Variants in RAP1GAP observed in about 807,000 individuals in gnomAD.
RAP1GAP encodes rap1 GTPase-activating protein 1.
RAP1GAP carries 35 observed loss-of-function variants against 87.2 expected under a neutral mutation model. The observed-to-expected ratio is 0.40, with a 90% CI of 0.31 to 0.53. The LOEUF (loss-of-function observed/expected upper bound fraction) is 0.53, where lower values mean the gene tolerates loss of function less well. RAP1GAP is among the 20% of genes least tolerant of loss of function. The probability of loss-of-function intolerance (pLI) is 0.48; values close to 1 mark genes in which losing one functional copy is unlikely to be tolerated. For missense variants in RAP1GAP, 734 were observed against 898.9 expected (o/e 0.82, Z 2.35); for synonymous variants, 375 against 363.9 (o/e 1.03, Z -0.35).
intron 1 of RAP1GAP, among the ~76,000 whole-genome samples, chr1:21,665,613 C>T (rs1206087936): frequency 1.3e-5 from 2 of 152,270 alleles, no homozygotes; most frequent in Admixed American, 6.5e-5. Context: ...CAGCACTCCT[C>T]TGCCTCTTTT....
intron 1 of RAP1GAP, among the ~76,000 whole-genome samples, chr1:21,667,035 G>A (rs2152434939): frequency 6.6e-6 from 1 of 152,324 alleles, no homozygotes; most frequent in African/African-American, 2.4e-5. Context: ...CTGGGTCTCA[G>A]GGTATCTGTC....
Position 21,613,153 on chromosome 1 carries a change from G to GC in RAP1GAP, c.528+22dup, listed in dbSNP as rs2079537529. 1.3e-6 allele frequency: 2 copies of GC among 1,529,764 alleles called. No homozygotes were observed. Among genetic ancestry groups the GC allele is most frequent in the East Asian group, 4.5e-5 (2 of 44,468 alleles). 94.8% of individuals were successfully genotyped at this position (1,529,764 alleles called of 1,614,324 possible). A position where few individuals can be genotyped will look rare whatever the true frequency, so the allele number is the denominator to read the frequency against. On this transcript the variant is annotated intron_variant, in intron 10 of 24. Coordinates refer to ENST00000374765, the MANE Select transcript of RAP1GAP (RefSeq NM_002885.4). The surrounding 1 kb of genome is among the most constrained non-coding windows in gnomAD (Gnocchi z 4.7). Reference sequence around the variant, plus strand: ...CCAGTTACTCACCCACCCTCAGTGAGCTGTGCCCAGATCCAGCCATACCTT... The same window carrying GC: ...CCAGTTACTCACCCACCCTCAGTGAGCCTGTGCCCAGATCCAGCCATACCTT...
chr1:21,659,905 G>T (rs1328498595), intron 1 of RAP1GAP, among the ~76,000 whole-genome samples: 1 of 152,126 alleles, frequency 6.6e-6, no homozygotes, highest in Non-Finnish European at 1.5e-5. Flanking sequence ...AGGCTGAGTG[G>T]CTTGCCTAAG....
At chr1:21,611,680 C>T in intron 12 of RAP1GAP, 36 bp downstream of exon 12, 1 of 1,612,306 alleles carries the variant, frequency 6.2e-7, no homozygotes, top group Non-Finnish European at 8.5e-7. Context: ...GAGCACAAGT[C>T]AGATTACACT....
chr1:21,638,785 C>T (rs1438912046), intron 2 of RAP1GAP, among the ~76,000 whole-genome samples: 1 of 152,186 alleles, frequency 6.6e-6, no homozygotes, highest in Admixed American at 6.5e-5. Context: ...GCTCCCTGAG[C>T]ACCTGACTGC....
In RAP1GAP at chr1:21,617,947, G is replaced by A. The variant is rs1218707048; in HGVS notation, c.92C>T (p.Pro31Leu). The A allele has an allele frequency of 7.4e-6, 12 of 1,613,990 alleles. No individual in the cohort carries two copies. Among genetic ancestry groups the A allele is most frequent in the Admixed American group, 1.7e-5 (1 of 60,004 alleles). The part of the protein sequence containing the change: ...LKTEEDYIPY[P>L]SVHEVLGREG... ...CTAGCTGAGTACCTCGTGCACGCTCGGGTATGGAATGTAGTCCTCCTCTGT... is the reference window on the plus strand; with the variant it reads ...CTAGCTGAGTACCTCGTGCACGCTCAGGTATGGAATGTAGTCCTCCTCTGT... Residue 31 changes from proline to leucine, a missense_variant, in exon 6 of 25, where the codon CCG (proline) becomes CTG (leucine). By Grantham distance (98) the Pro-to-Leu change is moderately conservative. Transcript: ENST00000374765.
At chr1:21,649,333 C>G (rs188265153) in intron 2 of RAP1GAP, among the ~76,000 whole-genome samples, 1 of 151,628 alleles carries the variant, frequency 6.6e-6, no homozygotes, top group South Asian at 2.1e-4. Flanking sequence ...CCCAGCCCAG[C>G]GAGGGGCCAC....
rs147161265 is a variant in RAP1GAP at position 21,599,615 on chromosome 1, G to C, written c.1655C>G (p.Ala552Gly). 4 of 1,604,282 alleles carry C rather than the reference G, an allele frequency of 2.5e-6. No individual in the cohort carries two copies. The South Asian group carries it at 4.4e-5, about 18-fold the overall frequency. ...SPEMPTTKNR[A>G]ETAAQRAEAL... ...CTCTGCTCTCTGCGCTGCGGTCTCC[G>C]CTCTGCCACAGACAGTGCCCCATTA... The change falls in exon 21 of 25, where the codon GCG (alanine) becomes GGG (glycine). Residue 552 changes from alanine to glycine, a missense_variant and splice_region_variant. Transcript: ENST00000374765.
chr1:21,649,037 G>A (rs1361771379), intron 2 of RAP1GAP, among the ~76,000 whole-genome samples: 1 of 152,206 alleles, frequency 6.6e-6, no homozygotes, highest in African/African-American at 2.4e-5. Context: ...TGCTGGAGGT[G>A]AAGCAGCAGC....
chr1:21,666,644 G>T lies in RAP1GAP; in HGVS notation c.-149+2610C>A, dbSNP rs1571581407. 2.6e-5 allele frequency among the ~76,000 whole-genome samples: 4 copies of T among 152,114 alleles called. No homozygotes were observed. In the South Asian group the frequency reaches 8.3e-4, roughly 32 times the overall value. On this transcript the variant is annotated intron_variant, in intron 1 of 24. Transcript: ENST00000374765. ...GAGGCTTTGCTGGGGACGGTCGGGGGCCTCCACTCCCCTCCCCGGGTGATG... is the reference window on the plus strand; with the variant it reads ...GAGGCTTTGCTGGGGACGGTCGGGGTCCTCCACTCCCCTCCCCGGGTGATG...
chr1:21,599,477 C>G lies in RAP1GAP; in HGVS notation c.1776+17G>C. ...TCCAAGCTCCTGTGGGGCCCCTGAC[C>G]CCCCTGAGCCTCTCACCAGGCCTGT... On this transcript the variant is annotated intron_variant, in intron 21 of 24. Transcript: ENST00000374765. The G allele has an allele frequency of 6.2e-7, 1 of 1,601,100 alleles. No homozygotes were observed. Among genetic ancestry groups the G allele is most frequent in the Non-Finnish European group, 8.5e-7 (1 of 1,176,748 alleles).
intron 1 of RAP1GAP, chr1:21,653,045 C>T (rs997102537): frequency 6.6e-6 from 1 of 152,286 alleles, no homozygotes; most frequent in Non-Finnish European, 1.5e-5. Flanking sequence ...CGGAGCTGTT[C>T]CACCTGGGAC....
chr1:21,639,144 C>G (rs1456364032), intron 2 of RAP1GAP, among the ~76,000 whole-genome samples: 1 of 152,230 alleles, frequency 6.6e-6, no homozygotes, highest in African/African-American at 2.4e-5. Context: ...TTTGTAAATG[C>G]AAATGTAGGC....
rs541906010 is a variant in RAP1GAP at position 21,611,417 on chromosome 1, G to A, written c.843+35C>T. On this transcript the variant is annotated intron_variant, in intron 13 of 24. Coordinates refer to ENST00000374765, the MANE Select transcript of RAP1GAP (RefSeq NM_002885.4). ...AGACAGGTGGAGGGGGAGGACAGGTGGAAGACAGGAGGCAGGTGGGGGTGC... is the reference window on the plus strand; with the variant it reads ...AGACAGGTGGAGGGGGAGGACAGGTAGAAGACAGGAGGCAGGTGGGGGTGC... The A allele has an allele frequency of 1.6e-4, 256 of 1,593,784 alleles. 2 individuals are homozygous for A. In the South Asian group the frequency reaches 2.5e-3, roughly 16 times the overall value.
rs59506938 is a variant in RAP1GAP at position 21,608,001 on chromosome 1, G to C, written c.1296+212C>G. Among the ~76,000 whole-genome samples the C allele has an allele frequency of 0.01, 1,509 of 150,550 alleles. 15 individuals are homozygous for C. Among genetic ancestry groups the C allele is most frequent in the African/African-American group, 0.026 (1,054 of 40,768 alleles). Reference sequence around the variant, plus strand: ...AGCCCCAGTCCGGGACTTCGCCCCAGCCACGCCCCCTCTCAGACTCCAATG... The same window carrying C: ...AGCCCCAGTCCGGGACTTCGCCCCACCCACGCCCCCTCTCAGACTCCAATG... On this transcript the variant is annotated intron_variant, in intron 17 of 24. Coordinates refer to ENST00000374765, the MANE Select transcript of RAP1GAP (RefSeq NM_002885.4).
Position 21,609,798 on chromosome 1 carries a change from T to C in RAP1GAP, c.1000-152A>G, listed in dbSNP as rs2077091669. 1.6e-6 allele frequency: 1 copy of C among 642,538 alleles called. No homozygotes were observed. The highest frequency in any genetic ancestry group is 1.9e-5 in the African/African-American group (1 of 53,672). 39.8% of individuals were successfully genotyped at this position (642,538 alleles called of 1,614,324 possible). ...GATGAATCTTTCTTCCAGAGATTTC[T>C]GCCCTCTATCTTTTGCCCTGAATTT... On this transcript the variant is annotated intron_variant, in intron 14 of 24. Coordinates refer to ENST00000374765, the MANE Select transcript of RAP1GAP (RefSeq NM_002885.4). The surrounding 1 kb of genome is among the most constrained non-coding windows in gnomAD (Gnocchi z 4.4).
Position 21,669,247 on chromosome 1 carries a change from C to G in RAP1GAP, c.-149+7G>C. 1 of 1,251,054 alleles carries G rather than the reference C, an allele frequency of 8.0e-7. No individual in the cohort carries two copies. Among genetic ancestry groups the G allele is most frequent in the South Asian group, 1.3e-5 (1 of 77,928 alleles). 77.5% of individuals were successfully genotyped at this position (1,251,054 alleles called of 1,614,324 possible). ...CCAGGGCCGCAGCCCTGGCGGGGCG[C>G]ACTCACCCAAGGGCCTGGGCCGGGG... On this transcript the variant is annotated splice_region_variant and intron_variant, in intron 1 of 24. Coordinates refer to ENST00000374765, the MANE Select transcript of RAP1GAP (RefSeq NM_002885.4). The surrounding 1 kb of genome is among the most constrained non-coding windows in gnomAD (Gnocchi z 5.6).
In RAP1GAP at chr1:21,601,775, T is replaced by TG; in HGVS notation, c.1560_1561insC (p.Lys521GlnfsTer90). On this transcript the variant is annotated frameshift_variant, in exon 20 of 25. Coordinates refer to ENST00000374765, the MANE Select transcript of RAP1GAP (RefSeq NM_002885.4). LOFTEE classifies it high-confidence loss of function. ...GAGACGTGCCCGCTGTCTGGGGTCT[T>TG]CTGACCAGCCGGAGGGCTCTCCCTG... 6.2e-7 allele frequency: 1 copy of TG among 1,610,002 alleles called. No individual in the cohort carries two copies. The highest frequency in any genetic ancestry group is 1.1e-5 in the South Asian group (1 of 90,794).
intron 19 of RAP1GAP, 126 bp downstream of exon 19, chr1:21,602,678 G>T: frequency 1.3e-6 from 1 of 791,610 alleles, no homozygotes; most frequent in Non-Finnish European, 1.9e-6. Flanking sequence ...TGACCACACA[G>T]CTGTCACTAG....
Sources: gnomAD v4.1 joint callset for allele counts (sites outside exome capture counted in the v4.1 genomes callset) on GRCh38, gnomAD v4.1.1 for gene constraint, Gnocchi (gnomAD v3.1) non-coding constraint, MANE v1.5 for transcripts, NCBI Gene and HGNC (gene_info 2026-07-23, HGNC 2026-07-21) for gene names.